Variants in ISM2 observed in about 807,000 individuals in gnomAD.
ISM2 encodes isthmin 2, also known as isthmin-2.
In ISM2, 50 loss-of-function variants were observed where a neutral mutation model predicts 58.0. That is an observed-to-expected ratio of 0.86 (90% confidence interval 0.69 to 1.09). The LOEUF (loss-of-function observed/expected upper bound fraction) is 1.09. Ranked by LOEUF, ISM2 falls within the 50% of genes least tolerant of loss-of-function variation. The pLI, the probability that ISM2 is intolerant of heterozygous loss-of-function variation, is 0.00. For synonymous variants in ISM2, 303 were observed against 312.4 expected (o/e 0.97, Z 0.32); for missense variants, 723 against 745.0 (o/e 0.97, Z 0.34).
At chr14:77,490,925 G>A (rs902149028) in intron 1 of ISM2, among the ~76,000 whole-genome samples, 1 of 152,216 alleles carries the variant, frequency 6.6e-6, no homozygotes, top group Admixed American at 6.5e-5. Context: ...GTGGCCAGCT[G>A]CAGGAGAAGG....
At chr14:77,491,309 C>A (rs1046221007) in intron 1 of ISM2, among the ~76,000 whole-genome samples, 2 of 152,230 alleles carry the variant, frequency 1.3e-5, no homozygotes, top group African/African-American at 4.8e-5. Flanking sequence ...TGCGGCAGCA[C>A]AAACCACCCC....
At chr14:77,488,787 AC>A (rs1191884893) in intron 1 of ISM2, among the ~76,000 whole-genome samples, 1 of 152,118 alleles carries the variant, frequency 6.6e-6, no homozygotes, top group Admixed American at 6.5e-5. Context: ...AGTTCTTCAC[AC>A]CTCATTCAGG....
intron 3 of ISM2, 176 bp from the exon 4 acceptor site, chr14:77,482,843 T>C: frequency 1.9e-6 from 1 of 536,238 alleles, no homozygotes; most frequent in Non-Finnish European, 3.3e-6. Context: ...GGCACAAGAA[T>C]CACAGCTTAC....
In ISM2 at chr14:77,490,897, T is replaced by C. The variant is rs537939100; in HGVS notation, c.142-5978A>G. On this transcript the variant is annotated intron_variant, in intron 1 of 6. Coordinates refer to ENST00000342219, the MANE Select transcript of ISM2 (RefSeq NM_199296.3). ...TGGTCTGGAGGGATAAGGAAGGCCA[T>C]AGCTGAGGTCCAGGAAGGTGGCCAG... Among the ~76,000 whole-genome samples, 38 of 152,260 alleles carry C rather than the reference T, an allele frequency of 2.5e-4. 1 individual carries two copies. In the East Asian group the frequency reaches 7.1e-3, roughly 29 times the overall value.
intron 3 of ISM2, 52 bp downstream of exon 3, chr14:77,484,271 C>T (rs1380664647): frequency 6.3e-7 from 1 of 1,585,002 alleles, no homozygotes; most frequent in Non-Finnish European, 8.6e-7. Flanking sequence ...CCTTGTCAGC[C>T]CCGCTCCTCT....
At chr14:77,498,475 C>A in intron 1 of ISM2, 178 bp downstream of exon 1, 1 of 1,187,522 alleles carries the variant, frequency 8.4e-7, no homozygotes, top group Middle Eastern at 1.9e-4. Flanking sequence ...GCCCCGAAGT[C>A]CGGCGCACCT....
At position 77,498,771 on chromosome 14, in the gene ISM2, G is replaced by A; in HGVS notation, c.23C>T (p.Ala8Val). MRALRDRAGLLLCVLLLA... is the reference protein window; with the variant it reads MRALRDRVGLLLCVLLLA... ...CAGCAGCACGCAGAGGAGGAGCCCG[G>A]CTCGGTCGCGGAGCGCACGCATCGT... The change falls in exon 1 of 7, where the codon GCC (alanine) becomes GTC (valine). Residue 8 changes from alanine to valine, a missense_variant. Coordinates refer to ENST00000342219, the MANE Select transcript of ISM2 (RefSeq NM_199296.3). 4 of 1,465,160 alleles carry A rather than the reference G, an allele frequency of 2.7e-6. No homozygotes were observed. The highest frequency in any genetic ancestry group is 3.0e-5 in the East Asian group (1 of 33,434). 90.8% of individuals were successfully genotyped at this position (1,465,160 alleles called of 1,614,324 possible). A position where few individuals can be genotyped will look rare whatever the true frequency, so the allele number is the denominator to read the frequency against.
intron 1 of ISM2, among the ~76,000 whole-genome samples, chr14:77,491,667 C>A (rs1004491402): frequency 6.7e-6 from 1 of 150,334 alleles, no homozygotes; most frequent in Non-Finnish European, 1.5e-5. Flanking sequence ...GCTGGAATTA[C>A]AGGCATGGGC....
intron 1 of ISM2, chr14:77,498,310 C>T (rs2079260605): frequency 1.5e-6 from 2 of 1,362,276 alleles, no homozygotes; most frequent in Non-Finnish European, 1.9e-6. Flanking sequence ...TCCGAGCTAG[C>T]GCGCACCTGG....
rs11850050 is a variant in ISM2, at chr14:77,484,297, G to A, written c.627+26C>T. The A allele has an allele frequency of 5.9e-3, 9,426 of 1,604,056 alleles. 472 individuals carry two copies. The African/African-American group carries it at 0.11, about 19-fold the overall frequency. On this transcript the variant is annotated intron_variant, in intron 3 of 6. Transcript: ENST00000342219. Reference sequence around the variant, plus strand: ...CCGCTCCTCTCCGGGTGTCTGCAGGGCTGCTGGCCCTTCTGTAGCTCTCAC... The same window carrying A: ...CCGCTCCTCTCCGGGTGTCTGCAGGACTGCTGGCCCTTCTGTAGCTCTCAC...
chr14:77,491,684 G>A (rs1195379067), intron 1 of ISM2, among the ~76,000 whole-genome samples: 3 of 142,764 alleles, frequency 2.1e-5, no homozygotes, highest in Non-Finnish European at 3.1e-5. Flanking sequence ...GGGCCACCGC[G>A]TCTGGTCTTT....
At chr14:77,497,493 T>A (rs189773266) in intron 1 of ISM2, among the ~76,000 whole-genome samples, 332 of 151,216 alleles carry the variant, frequency 2.2e-3, no homozygotes, top group Non-Finnish European at 3.8e-3. Flanking sequence ...AAGACCAGCC[T>A]GGGACACACA....
intron 1 of ISM2, among the ~76,000 whole-genome samples, chr14:77,492,631 C>A (rs2079213196): frequency 6.6e-6 from 1 of 151,846 alleles, no homozygotes; most frequent in Non-Finnish European, 1.5e-5. Context: ...TCCCACCCAC[C>A]CTCCAAGTAG....
chr14:77,475,505 T>TC lies in ISM2; in HGVS notation c.*89dup, dbSNP rs976593614. On this transcript the variant is annotated 3_prime_UTR_variant, in exon 7 of 7. Transcript: ENST00000342219. The surrounding 1 kb of genome is among the most constrained non-coding windows in gnomAD (Gnocchi z 4.1). ...CTGGGGGAGCCCTTTCCTCACCCTG[T>TC]CTGGGCAGGGGCGGGTGAGGAAAGT... 2.8e-4 allele frequency: 211 copies of TC among 758,540 alleles called. No individual in the cohort carries two copies. The East Asian group carries it at 7.3e-3, about 26-fold the overall frequency. The allele number at this position is 758,540 out of a possible 1,614,324, so 47.0% of individuals were successfully genotyped here.
At chr14:77,496,799 GAAAAAAAAAAAAAAAAAAAAAAAA>G (rs772342344) in intron 1 of ISM2, among the ~76,000 whole-genome samples, 3 of 25,802 alleles carry the variant, frequency 1.2e-4, no homozygotes, top group Admixed American at 4.6e-4. Context: ...TCCATCTCAG[GAAAAAAAAAAAAAAAAAAAAAAAA>G]AAAAAAAAAA....
intron 3 of ISM2, 75 bp from the exon 4 acceptor site, chr14:77,482,742 G>A (rs1022359700): frequency 2.1e-6 from 2 of 948,066 alleles, no homozygotes; most frequent in African/African-American, 1.6e-5. Flanking sequence ...GGATGATGGG[G>A]TCAGGGTCAG....
At chr14:77,485,627 CCAGA>C (rs1475157831) in intron 1 of ISM2, among the ~76,000 whole-genome samples, 1 of 152,244 alleles carries the variant, frequency 6.6e-6, no homozygotes, top group Non-Finnish European at 1.5e-5. Flanking sequence ...ATTCATCTGC[CCAGA>C]CAGTGGGGCA....
intron 1 of ISM2, among the ~76,000 whole-genome samples, chr14:77,487,531 G>A (rs1594951894): frequency 6.6e-6 from 1 of 152,188 alleles, no homozygotes; most frequent in Non-Finnish European, 1.5e-5. Flanking sequence ...CCATAGGGTG[G>A]GCAAAGGCCA....
intron 1 of ISM2, among the ~76,000 whole-genome samples, chr14:77,497,412 C>A (rs1001112599): frequency 6.7e-6 from 1 of 148,386 alleles, no homozygotes; most frequent in Non-Finnish European, 1.5e-5. Context: ...TGGCTGGGCA[C>A]CATGGCTCAT....
Sources: allele counts gnomAD v4.1 joint callset (sites outside exome capture counted in the v4.1 genomes callset), GRCh38; gene constraint gnomAD v4.1.1; non-coding constraint Gnocchi (gnomAD v3.1); transcripts MANE v1.5; gene names NCBI Gene and HGNC (gene_info 2026-07-23, HGNC 2026-07-21).